EYS: variants seen among roughly 807,000 people sequenced by gnomAD.
EYS encodes EGF-like photoreceptor maintenance factor, also known as protein eyes shut homolog.
A neutral mutation model predicts 282.1 loss-of-function variants in EYS; 250 were observed. The ratio of observed to expected loss-of-function variants is 0.89; its 90% CI spans 0.80 to 0.98. EYS has a LOEUF of 0.98. Among genes scored for constraint, EYS ranks in the 50% least tolerant of loss-of-function variants. EYS has a pLI of 0.00. For synonymous variants in EYS, 1,355 were observed against 1,282.9 expected, an observed-to-expected ratio of 1.06 and a Z score of -1.20; for missense variants, 4,016 against 3,709.0, an observed-to-expected ratio of 1.08 and a Z score of -2.15.
At chr6:65,356,645 A>T (rs1764497245) in intron 8 of EYS, among the ~76,000 whole-genome samples, 1 of 152,074 alleles carries the variant, frequency 6.6e-6, no homozygotes, top group South Asian at 2.1e-4. Flanking sequence ...GAATAAGGAC[A>T]CTATGAAGAT....
At chr6:64,988,896 C>A (rs1224912271) in intron 14 of EYS, among the ~76,000 whole-genome samples, 2 of 151,422 alleles carry the variant, frequency 1.3e-5, no homozygotes, top group Non-Finnish European at 3.0e-5. Flanking sequence ...TGAATTACAG[C>A]TCACTTCCAT....
At chr6:63,912,794 A>T (rs1222141237) in intron 35 of EYS, among the ~76,000 whole-genome samples, 1 of 107,720 alleles carries the variant, frequency 9.3e-6, no homozygotes, top group Admixed American at 1.0e-4. Context: ...CGCCCCCCCG[A>T]CTTGCTCCTA....
chr6:65,284,290 A>G (rs1278932423), intron 12 of EYS, among the ~76,000 whole-genome samples: 3 of 152,110 alleles, frequency 2.0e-5, no homozygotes. Flanking sequence ...AAAATAACTT[A>G]TGTGAATATC....
chr6:64,455,261 C>G (rs1347383740), intron 26 of EYS, among the ~76,000 whole-genome samples: 1 of 152,044 alleles, frequency 6.6e-6, no homozygotes, highest in Admixed American at 6.6e-5. Flanking sequence ...TAATGAGACC[C>G]TTCTTTTGTT....
At chr6:63,995,151 A>G (rs1205842971) in intron 34 of EYS, among the ~76,000 whole-genome samples, 1 of 152,072 alleles carries the variant, frequency 6.6e-6, no homozygotes, top group African/African-American at 2.4e-5. Flanking sequence ...TCCAAAACAT[A>G]TAAGGAATTT....
intron 35 of EYS, among the ~76,000 whole-genome samples, chr6:63,909,591 G>A (rs1051472593): frequency 2.6e-5 from 4 of 152,196 alleles, no homozygotes; most frequent in African/African-American, 9.7e-5. Context: ...GAAGTTGATT[G>A]TGGTTGGGAT....
chr6:65,196,589 A>T (rs936492445), intron 12 of EYS, among the ~76,000 whole-genome samples: 1 of 152,094 alleles, frequency 6.6e-6, no homozygotes, highest in East Asian at 1.9e-4. Context: ...TGAAGAAAAC[A>T]TACAAATTCA....
At chr6:65,455,102 A>G (rs538678338) in intron 5 of EYS, among the ~76,000 whole-genome samples, 2 of 152,248 alleles carry the variant, frequency 1.3e-5, no homozygotes, top group Admixed American at 6.5e-5. Flanking sequence ...TAGTACAGCC[A>G]CATAACAATA....
chr6:64,888,075 T>G (rs183748294), intron 18 of EYS, among the ~76,000 whole-genome samples: 133 of 152,190 alleles, frequency 8.7e-4, no homozygotes, highest in African/African-American at 3.0e-3. Context: ...ATTTCATTGT[T>G]TATGTATACT....
intron 13 of EYS, among the ~76,000 whole-genome samples, chr6:65,021,594 C>G (rs193072893): frequency 2.0e-5 from 3 of 152,284 alleles, no homozygotes; most frequent in Admixed American, 6.5e-5. Flanking sequence ...TCTGAGCCAT[C>G]AAAACTCTTC....
chr6:64,737,288 A>G (rs1772215150), intron 22 of EYS, among the ~76,000 whole-genome samples: 2 of 152,314 alleles, frequency 1.3e-5, no homozygotes, highest in Admixed American at 1.3e-4. Flanking sequence ...TCCTAATTCA[A>G]TATTCAGTTT....
chr6:64,511,412 T>C (rs1465920775), intron 26 of EYS, among the ~76,000 whole-genome samples: 1 of 151,928 alleles, frequency 6.6e-6, no homozygotes, highest in Admixed American at 6.6e-5. Context: ...AATCGCAAGA[T>C]GATTTAGGAC....
At chr6:64,327,322 G>A (rs1215139810) in intron 29 of EYS, among the ~76,000 whole-genome samples, 1 of 152,092 alleles carries the variant, frequency 6.6e-6, no homozygotes, top group Non-Finnish European at 1.5e-5. Flanking sequence ...GAGAGTGAAA[G>A]CACCTCGCAA....
intron 35 of EYS, among the ~76,000 whole-genome samples, chr6:63,944,223 C>T (rs1765323112): frequency 6.6e-6 from 1 of 152,144 alleles, no homozygotes; most frequent in African/African-American, 2.4e-5. Flanking sequence ...GAAAGGGAAA[C>T]AATTTACAGC....
rs960038740 is a variant in EYS, at chr6:65,600,119, A to G, written c.-333+39659T>C. On this transcript the variant is annotated intron_variant, in intron 2 of 42. Transcript: ENST00000503581. ...TCTCACTATAATTTCATTTTCCTTC[A>G]TCTGGGGATAGCAGGTAGTGATTCC... Among the ~76,000 whole-genome samples the G allele has an allele frequency of 7.9e-5, 12 of 152,004 alleles. 1 individual carries two copies. Among genetic ancestry groups the G allele is most frequent in the African/African-American group, 2.7e-4 (11 of 41,386 alleles).
intron 35 of EYS, among the ~76,000 whole-genome samples, chr6:63,893,969 G>C (rs1361717476): frequency 6.6e-6 from 1 of 152,168 alleles, no homozygotes; most frequent in African/African-American, 2.4e-5. Context: ...CCTGGGTTGA[G>C]GGGGGCTTAC....
intron 12 of EYS, among the ~76,000 whole-genome samples, chr6:65,181,629 C>T (rs1040556747): frequency 6.6e-6 from 1 of 152,110 alleles, no homozygotes; most frequent in Non-Finnish European, 1.5e-5. Flanking sequence ...ACTAGTTCAA[C>T]CGTTGTGGAA....
chr6:64,091,938 C>T (rs907638763), intron 31 of EYS, among the ~76,000 whole-genome samples: 2 of 152,060 alleles, frequency 1.3e-5, no homozygotes, highest in African/African-American at 2.4e-5. Flanking sequence ...GTGTGATGCT[C>T]CCCTTCCTGT....
chr6:64,012,978 T>A (rs2149813081), intron 33 of EYS, among the ~76,000 whole-genome samples: 1 of 152,266 alleles, frequency 6.6e-6, no homozygotes, highest in Admixed American at 6.5e-5. Flanking sequence ...ACTTCCTGCC[T>A]CTGGATGATA....
Sources: gnomAD v4.1 joint callset for allele counts (sites outside exome capture counted in the v4.1 genomes callset) on GRCh38, gnomAD v4.1.1 for gene constraint, MANE v1.5 for transcripts, NCBI Gene and HGNC (gene_info 2026-07-23, HGNC 2026-07-21) for gene names.